The following HSPG2 variants were observed in gnomAD, a reference collection of about 807,000 sequenced individuals.
HSPG2 encodes the protein heparan sulfate proteoglycan 2, also known as basement membrane-specific heparan sulfate proteoglycan core protein.
HSPG2 carries 278 observed loss-of-function variants against 526.6 expected under a neutral mutation model. That is an observed-to-expected ratio of 0.53 (90% CI 0.48 to 0.58). HSPG2 has a LOEUF of 0.58. Ranked by LOEUF, HSPG2 falls within the 20% of genes least tolerant of loss-of-function variation. The probability of loss-of-function intolerance (pLI) is 0.00; values close to 1 mark genes in which losing one functional copy is unlikely to be tolerated. For missense variants in HSPG2, 5,354 were observed against 6,099.5 expected (o/e 0.88, Z 4.07); for synonymous variants, 2,465 against 2,555.4 (o/e 0.96, Z 1.07).
At chr1:21,919,607 G>A (rs1424519614) in intron 1 of HSPG2, among the ~76,000 whole-genome samples, 1 of 152,106 alleles carries the variant, frequency 6.6e-6, no homozygotes, top group Non-Finnish European at 1.5e-5. Context: ...CTCTCCAGGG[G>A]TGGTTTTCAG....
rs2098015184 is a variant in HSPG2, at chr1:21,833,854, C to T, written c.10792G>A (p.Ala3598Thr). 6 of 1,605,044 alleles carry T rather than the reference C, an allele frequency of 3.7e-6. No individual in the cohort carries two copies. The highest frequency in any genetic ancestry group is 4.3e-6 in the Non-Finnish European group (5 of 1,175,792). Residue 3598 changes from alanine to threonine, a missense_variant, in exon 78 of 97, where the codon GCC (alanine) becomes ACC (threonine). Ala to Thr is a moderately conservative substitution (Grantham distance 58). Coordinates refer to ENST00000374695, the MANE Select transcript of HSPG2 (RefSeq NM_005529.7). ...AGSAAVFPCI[A>T]SGYPTPDISW... ...ATGTCAGGAGTGGGGTAGCCTGAGG[C>T]TATGCAGGGGAAGACAGCTGCAGAA...
Position 21,834,759 on chromosome 1 carries a change from A to G in HSPG2, c.10640T>C (p.Leu3547Pro). 1 of 1,614,202 alleles carries G rather than the reference A, an allele frequency of 6.2e-7. No individual in the cohort carries two copies. The highest frequency in any genetic ancestry group is 8.5e-7 in the Non-Finnish European group (1 of 1,180,018). Residue 3547 changes from leucine (L) to proline (P), a missense_variant, in exon 77 of 97, where the codon CTG (leucine) becomes CCG (proline). Leu to Pro is a moderately conservative substitution (Grantham distance 98). Coordinates refer to ENST00000374695, the MANE Select transcript of HSPG2 (RefSeq NM_005529.7). ...GCAGCGATACTGTCCCGCATCAGCC[A>G]GCTCTACGTGGGCGATCCTGACGAC... ...GGVVRIAHVE[L>P]ADAGQYRCTA...
At chr1:21,853,185 T>C in intron 50 of HSPG2, 115 bp from the exon 51 acceptor site, 1 of 1,390,768 alleles carries the variant, frequency 7.2e-7, no homozygotes, top group Non-Finnish European at 9.9e-7. Context: ...ACAGGTGGCC[T>C]TTCTGGGACT....
In HSPG2 at chr1:21,855,230, G is replaced by A. The variant is rs77060492; in HGVS notation, c.5997+74C>T. 2.9e-3 allele frequency: 4,477 copies of A among 1,528,874 alleles called. 17 individuals carry two copies. The highest frequency in any genetic ancestry group is 3.7e-3 in the Non-Finnish European group (4,163 of 1,134,528). 94.7% of individuals were successfully genotyped at this position (1,528,874 alleles called of 1,614,324 possible). Reference sequence around the variant, plus strand: ...AGGAGGAGGTGGGGTGGGGCGTGAAGGGGGAGGGAAGGTGGCTGGGACTCT... The same window carrying A: ...AGGAGGAGGTGGGGTGGGGCGTGAAAGGGGAGGGAAGGTGGCTGGGACTCT... On this transcript the variant is annotated intron_variant, in intron 47 of 96. Transcript: ENST00000374695.
Position 21,858,304 on chromosome 1 carries a change from C to A in HSPG2, c.5294-919G>T, listed in dbSNP as rs544534929. The stretch of plus-strand genomic sequence containing the variant: ...CTTTTCCCTCTGATTCCCATGATGC[C>A]CCCTGTCTCTTCCTGCCTCATGGCT... On this transcript the variant is annotated intron_variant, in intron 42 of 96. Coordinates refer to ENST00000374695, the MANE Select transcript of HSPG2 (RefSeq NM_005529.7). This position sits in a 1 kb window ranked among gnomAD's most constrained non-coding sequence, Gnocchi z 4.2. 1.9e-4 allele frequency among the ~76,000 whole-genome samples: 29 copies of A among 152,310 alleles called. No homozygotes were observed. Among genetic ancestry groups the A allele is most frequent in the African/African-American group, 6.7e-4 (28 of 41,552 alleles).
rs1193893713 is a variant in HSPG2 at position 21,843,258 on chromosome 1, C to T, written c.8758+39G>A. 6.2e-6 allele frequency: 10 copies of T among 1,613,370 alleles called. 2 individuals carry two copies. The Admixed American group carries it at 1.7e-4, about 27-fold the overall frequency. ...AGCAGAGCTGGGAAGGAGCCCCGCG[C>T]CTGTGCTCTGGCATCGCCCACTGCT... On this transcript the variant is annotated intron_variant, in intron 66 of 96. Coordinates refer to ENST00000374695, the MANE Select transcript of HSPG2 (RefSeq NM_005529.7).
rs367842568 is a variant in HSPG2, at chr1:21,864,871, G to A, written c.4598C>T (p.Pro1533Leu). 55 of 1,610,640 alleles carry A rather than the reference G, an allele frequency of 3.4e-5. No individual in the cohort carries two copies. In the African/African-American group the frequency reaches 5.3e-4, roughly 16 times the overall value. ...GCAGGACAGACCGATGTAGCCTGGCGGGCAGCGGCACTCCTCCACCTCGAG... is the reference window on the plus strand; with the variant it reads ...GCAGGACAGACCGATGTAGCCTGGCAGGCAGCGGCACTCCTCCACCTCGAG... ...RALEVEECRCPPGYIGLSCQD... is the reference protein window; with the variant it reads ...RALEVEECRCLPGYIGLSCQD... The change falls in exon 36 of 97, where the codon CCG (proline) becomes CTG (leucine). Residue 1533 changes from proline (P) to leucine (L), a missense_variant. Coordinates refer to ENST00000374695, the MANE Select transcript of HSPG2 (RefSeq NM_005529.7). This position sits in a 1 kb window ranked among gnomAD's most constrained non-coding sequence, Gnocchi z 4.8.
chr1:21,827,635 G>A (rs2097982160), intron 91 of HSPG2, among the ~76,000 whole-genome samples: 1 of 152,210 alleles, frequency 6.6e-6, no homozygotes, highest in African/African-American at 2.4e-5. Context: ...CATGAATACA[G>A]AGGAGGAAAC....
intron 80 of HSPG2, 139 bp from the exon 81 acceptor site, chr1:21,832,745 G>A: frequency 1.5e-6 from 1 of 666,754 alleles, no homozygotes; most frequent in East Asian, 2.7e-5. Flanking sequence ...CACACAGCCA[G>A]GGCCTTCTCA....
In HSPG2 at chr1:21,885,172, G is replaced by A. The variant is rs985274789; in HGVS notation, c.1211-15C>T. 1.9e-6 allele frequency: 3 copies of A among 1,604,684 alleles called. No homozygotes were observed. Among genetic ancestry groups the A allele is most frequent in the Admixed American group, 1.7e-5 (1 of 59,088 alleles). On this transcript the variant is annotated splice_polypyrimidine_tract_variant and intron_variant, in intron 10 of 96. Transcript: ENST00000374695. ...CTGGGGGGGCACTGAGGAGACCAGGGCAGGAGTGAGGGGTCGGGGGCAAAG... is the reference window on the plus strand; with the variant it reads ...CTGGGGGGGCACTGAGGAGACCAGGACAGGAGTGAGGGGTCGGGGGCAAAG...
At chr1:21,885,709 CA>C (rs1323877997) in intron 9 of HSPG2, among the ~76,000 whole-genome samples, 2 of 152,170 alleles carry the variant, frequency 1.3e-5, no homozygotes, top group Non-Finnish European at 2.9e-5. Flanking sequence ...ACATCACTGT[CA>C]CAACCACAGC....
chr1:21,854,872 G>C lies in HSPG2; in HGVS notation c.6109C>G (p.Arg2037Gly), dbSNP rs574725401. 3 of 1,614,076 alleles carry C rather than the reference G, an allele frequency of 1.9e-6. No individual in the cohort carries two copies. The highest frequency in any genetic ancestry group is 8.5e-7 in the Non-Finnish European group (1 of 1,180,018). ...CCTGAAAGGACAACCACTTGGATCC[G>C]GGCCTGGGCAGTGCCTGCAGGGCTG... ...ATSPAGTAQA[R>G]IQVVVLSASD... The change falls in exon 48 of 97, where the codon CGG becomes GGG. Residue 2037 changes from arginine to glycine, a missense_variant. Arg to Gly is a moderately radical substitution (Grantham distance 125). Transcript: ENST00000374695.
chr1:21,848,623 C>A lies in HSPG2; in HGVS notation c.7737+20G>T. The A allele has an allele frequency of 6.2e-7, 1 of 1,612,690 alleles. No homozygotes were observed. Among genetic ancestry groups the A allele is most frequent in the Non-Finnish European group, 8.5e-7 (1 of 1,179,976 alleles). On this transcript the variant is annotated intron_variant, in intron 59 of 96. Coordinates refer to ENST00000374695, the MANE Select transcript of HSPG2 (RefSeq NM_005529.7). The surrounding 1 kb of genome is among the most constrained non-coding windows in gnomAD (Gnocchi z 4.9). ...GCTGGTGTGCCCTGCTTTTGCCCTC[C>A]CCACCTGCTGGCCCTGTACCTGGTG...
intron 33 of HSPG2, chr1:21,868,819 G>T: frequency 2.2e-6 from 1 of 462,212 alleles, no homozygotes; most frequent in Non-Finnish European, 2.8e-6. Context: ...AAAGGGCCTT[G>T]ACAAAGGGCC....
Position 21,872,099 on chromosome 1 carries a change from G to C in HSPG2, c.4221+87C>G. The C allele has an allele frequency of 7.1e-7, 1 of 1,408,494 alleles. No individual in the cohort carries two copies. The highest frequency in any genetic ancestry group is 9.8e-7 in the Non-Finnish European group (1 of 1,018,744). The allele number at this position is 1,408,494 out of a possible 1,614,324, so 87.2% of individuals were successfully genotyped here. A position where few individuals can be genotyped will look rare whatever the true frequency, so the allele number is the denominator to read the frequency against. On this transcript the variant is annotated intron_variant, in intron 33 of 96. Transcript: ENST00000374695. The surrounding 1 kb of genome is among the most constrained non-coding windows in gnomAD (Gnocchi z 5.5). The stretch of plus-strand genomic sequence containing the variant: ...GCCTAACCACGATATGGCCATGCAG[G>C]TGGCAGGTGCCTGCCTGCTGAGAGA...
In HSPG2 at chr1:21,833,394, G is replaced by A; in HGVS notation, c.10979-10C>T. Reference sequence around the variant, plus strand: ...TAGGGCACCACCCGCTCTGCCAGCAGAGAGCACAGCTGAAGACCCTGCCAG... The same window carrying A: ...TAGGGCACCACCCGCTCTGCCAGCAAAGAGCACAGCTGAAGACCCTGCCAG... On this transcript the variant is annotated splice_polypyrimidine_tract_variant and intron_variant, in intron 79 of 96. Transcript: ENST00000374695. 1 of 1,614,166 alleles carries A rather than the reference G, an allele frequency of 6.2e-7. No homozygotes were observed. The highest frequency in any genetic ancestry group is 8.5e-7 in the Non-Finnish European group (1 of 1,179,972).
intron 1 of HSPG2, among the ~76,000 whole-genome samples, chr1:21,909,391 A>C (rs1467151845): frequency 6.6e-6 from 1 of 152,210 alleles, no homozygotes; most frequent in Admixed American, 6.5e-5. Flanking sequence ...AGATCTAGGA[A>C]AGGGACAACT....
Position 21,824,833 on chromosome 1 carries a change from C to T in HSPG2, c.12590-54G>A. 6.7e-7 allele frequency: 1 copy of T among 1,494,986 alleles called. No homozygotes were observed. Among genetic ancestry groups the T allele is most frequent in the Non-Finnish European group, 9.2e-7 (1 of 1,089,812 alleles). 92.6% of individuals were successfully genotyped at this position (1,494,986 alleles called of 1,614,324 possible). ...CCTGCTGCATCAGGCATCAAAATCCCCCGTCAGTTCCCCTGACCCCCACCT... is the reference window on the plus strand; with the variant it reads ...CCTGCTGCATCAGGCATCAAAATCCTCCGTCAGTTCCCCTGACCCCCACCT... On this transcript the variant is annotated intron_variant, in intron 91 of 96. Transcript: ENST00000374695. The surrounding 1 kb of genome is among the most constrained non-coding windows in gnomAD (Gnocchi z 5.9).
At chr1:21,874,079 G>A (rs1640863909) in intron 28 of HSPG2, 68 bp from the exon 29 acceptor site, 3 of 1,365,570 alleles carry the variant, frequency 2.2e-6, no homozygotes, top group Admixed American at 2.0e-5. Flanking sequence ...TCCTCCTTCA[G>A]GACCAGGGGA....
Sources: gnomAD v4.1 joint callset for allele counts (sites outside exome capture counted in the v4.1 genomes callset) on GRCh38, gnomAD v4.1.1 for gene constraint, Gnocchi (gnomAD v3.1) non-coding constraint, MANE v1.5 for transcripts, NCBI Gene and HGNC (gene_info 2026-07-23, HGNC 2026-07-21) for gene names.